The following CACNG5 variants were observed in gnomAD, a reference collection of about 807,000 sequenced individuals.
CACNG5 encodes the protein calcium voltage-gated channel auxiliary subunit gamma 5, also known as voltage-dependent calcium channel gamma-5 subunit.
A neutral mutation model predicts 24.8 loss-of-function variants in CACNG5; 18 were observed. The ratio of observed to expected loss-of-function variants is 0.73; its 90% CI spans 0.50 to 1.08. The LOEUF is 1.08. CACNG5 is among the 50% of genes least tolerant of loss of function. The pLI, the probability that CACNG5 is intolerant of heterozygous loss-of-function variation, is 0.00. For synonymous variants in CACNG5, 157 were observed against 149.1 expected, an observed-to-expected ratio of 1.05 and a Z score of -0.39; for missense variants, 349 against 367.9, an observed-to-expected ratio of 0.95 and a Z score of 0.42.
chr17:66,853,649 ATGCATGGGT>A (rs1301417062), intron 1 of CACNG5, among the ~76,000 whole-genome samples: 1 of 152,238 alleles, frequency 6.6e-6, no homozygotes, highest in African/African-American at 2.4e-5. Context: ...TGTCCCAGTA[ATGCATGGGT>A]TGTTTAACAT....
chr17:66,859,172 C>T (rs1370453178), intron 1 of CACNG5, among the ~76,000 whole-genome samples: 1 of 152,218 alleles, frequency 6.6e-6, no homozygotes, highest in Non-Finnish European at 1.5e-5. Context: ...AATACATCAT[C>T]CATTGTAAAG....
chr17:66,877,275 A>G lies in CACNG5; in HGVS notation c.-58A>G, dbSNP rs1977092505. ...GCTCACCCACTCTCCCTAGCCCCAGAGCGCAGTCCGTGCTGGTGGGAGCGT... is the reference window on the plus strand; with the variant it reads ...GCTCACCCACTCTCCCTAGCCCCAGGGCGCAGTCCGTGCTGGTGGGAGCGT... On this transcript the variant is annotated 5_prime_UTR_variant, in exon 2 of 6. Coordinates refer to ENST00000533854, the MANE Select transcript of CACNG5 (RefSeq NM_145811.3). 6.8e-7 allele frequency: 1 copy of G among 1,460,944 alleles called. No homozygotes were observed. The highest frequency in any genetic ancestry group is 2.3e-5 in the East Asian group (1 of 43,740). 90.5% of individuals were successfully genotyped at this position (1,460,944 alleles called of 1,614,324 possible). A position where few individuals can be genotyped will look rare whatever the true frequency, so the allele number is the denominator to read the frequency against.
At chr17:66,872,541 C>T (rs747831139) in intron 1 of CACNG5, among the ~76,000 whole-genome samples, 1 of 152,148 alleles carries the variant, frequency 6.6e-6, no homozygotes, top group African/African-American at 2.4e-5. Flanking sequence ...TGGGAAAGTG[C>T]AGGTAATTTT....
In CACNG5 at chr17:66,894,078, G is replaced by A. The variant is rs552982357; in HGVS notation, c.*8838G>A. Among the ~76,000 whole-genome samples, 1 of 152,222 alleles carries A rather than the reference G, an allele frequency of 6.6e-6. No homozygotes were observed. Among genetic ancestry groups the A allele is most frequent in the East Asian group, 1.9e-4 (1 of 5,170 alleles). ...GGGTTCTTGACACCTGTTGTCCTGT[G>A]TCCTCGTAAACACCATCCCGCCACC... On this transcript the variant is annotated 3_prime_UTR_variant, in exon 6 of 6. Coordinates refer to ENST00000533854, the MANE Select transcript of CACNG5 (RefSeq NM_145811.3).
intron 1 of CACNG5, among the ~76,000 whole-genome samples, chr17:66,859,216 C>T (rs918614614): frequency 2.0e-5 from 3 of 152,180 alleles, no homozygotes; most frequent in African/African-American, 7.2e-5. Context: ...AGTTCAAGAG[C>T]CTCGCCCTGA....
rs1977298085 is a variant in CACNG5, at chr17:66,888,627, T to C, written c.*3387T>C. ...CTCAATAGTCAAAGACAGGTTTATT[T>C]TGGAGAATAAACCTGAGAGGGGCTT... On this transcript the variant is annotated 3_prime_UTR_variant, in exon 6 of 6. Coordinates refer to ENST00000533854, the MANE Select transcript of CACNG5 (RefSeq NM_145811.3). 6.6e-6 allele frequency among the ~76,000 whole-genome samples: 1 copy of C among 152,010 alleles called. No homozygotes were observed. The highest frequency in any genetic ancestry group is 2.1e-4 in the South Asian group (1 of 4,810).
intron 1 of CACNG5, among the ~76,000 whole-genome samples, chr17:66,844,691 GA>G (rs1232416932): frequency 6.6e-6 from 1 of 152,174 alleles, no homozygotes; most frequent in African/African-American, 2.4e-5. Context: ...TGGCTATGAT[GA>G]TGACAAGTTC....
intron 1 of CACNG5, among the ~76,000 whole-genome samples, chr17:66,866,382 G>A (rs1015056312): frequency 6.6e-5 from 10 of 152,046 alleles, no homozygotes; most frequent in African/African-American, 1.7e-4. Context: ...TGATCTTCTC[G>A]CTTCAGTCTC....
At chr17:66,867,502 T>C (rs1253520392) in intron 1 of CACNG5, among the ~76,000 whole-genome samples, 1 of 152,248 alleles carries the variant, frequency 6.6e-6, no homozygotes, top group Non-Finnish European at 1.5e-5. Context: ...ATTTTTGCTT[T>C]TGTTGCAATT....
intron 1 of CACNG5, among the ~76,000 whole-genome samples, chr17:66,855,182 A>T (rs1976757620): frequency 6.6e-6 from 1 of 152,260 alleles, no homozygotes; most frequent in Non-Finnish European, 1.5e-5. Context: ...TTACTGAATG[A>T]GACTCAGAAA....
chr17:66,879,817 G>T (rs1977132699), intron 3 of CACNG5, among the ~76,000 whole-genome samples: 1 of 152,162 alleles, frequency 6.6e-6, no homozygotes, highest in Non-Finnish European at 1.5e-5. Context: ...ACATAGGCAT[G>T]ATTGATTACA....
Position 66,888,490 on chromosome 17 carries a change from G to A in CACNG5, c.*3250G>A, listed in dbSNP as rs1219042565. 7.3e-6 allele frequency among the ~76,000 whole-genome samples: 1 copy of A among 136,354 alleles called. No homozygotes were observed. The highest frequency in any genetic ancestry group is 1.5e-5 in the Non-Finnish European group (1 of 65,986). The allele number at this position is 136,354 out of a possible 152,430, so 89.5% of individuals were successfully genotyped here. On this transcript the variant is annotated 3_prime_UTR_variant, in exon 6 of 6. Coordinates refer to ENST00000533854, the MANE Select transcript of CACNG5 (RefSeq NM_145811.3). ...ACCTGGGAGGCAGAGCTTGCAGTGA[G>A]CCGAGATCGCACCACTGCACTCCAG... is the stretch of plus-strand genomic sequence containing the variant.
chr17:66,886,750 C>T lies in CACNG5; in HGVS notation c.*1510C>T, dbSNP rs915263872. Among the ~76,000 whole-genome samples the T allele has an allele frequency of 3.3e-5, 5 of 152,162 alleles. No homozygotes were observed. The highest frequency in any genetic ancestry group is 3.3e-4 in the Admixed American group (5 of 15,280). On this transcript the variant is annotated 3_prime_UTR_variant, in exon 6 of 6. Coordinates refer to ENST00000533854, the MANE Select transcript of CACNG5 (RefSeq NM_145811.3). Reference sequence around the variant, plus strand: ...GCGGTGTGTCAGGCAGCCGGGCTGCCGCAATGAACTACCACAGACTGAGTG... The same window carrying T: ...GCGGTGTGTCAGGCAGCCGGGCTGCTGCAATGAACTACCACAGACTGAGTG...
chr17:66,847,386 A>G (rs187741317), intron 1 of CACNG5, among the ~76,000 whole-genome samples: 95 of 152,332 alleles, frequency 6.2e-4, no homozygotes, highest in African/African-American at 2.2e-3. Context: ...AGAGTTCCAC[A>G]TAGCTGGGGA....
intron 1 of CACNG5, among the ~76,000 whole-genome samples, chr17:66,866,354 C>T (rs2058260): frequency 0.76 from 114,966 of 152,108 alleles, 43,952 homozygotes; most frequent in East Asian, 0.91. Context: ...AGCATAACCT[C>T]GAACTCCTGG....
intron 1 of CACNG5, among the ~76,000 whole-genome samples, chr17:66,840,240 C>T (rs1226877200): frequency 3.3e-5 from 5 of 152,330 alleles, no homozygotes; most frequent in Admixed American, 3.3e-4. Flanking sequence ...GGCATGTGCT[C>T]TGGACTTGTG....
At position 66,880,697 on chromosome 17, in the gene CACNG5, G is replaced by A. The variant is rs755762556; in HGVS notation, c.424G>A (p.Gly142Ser). The part of the protein sequence containing the change: ...FVSGIFFILS[G>S]LSLVVGLVLY... ...CTCTGGCATCTTCTTTATCCTCTCA[G>A]GTAAGTTGTGTTGTTTTCTTTTCTT... The change falls in exon 4 of 6, where the codon GGC (glycine) becomes AGC (serine). Residue 142 changes from glycine to serine, a missense_variant and splice_region_variant. Gly to Ser is a moderately conservative substitution (Grantham distance 56, BLOSUM62 0). Coordinates refer to ENST00000533854, the MANE Select transcript of CACNG5 (RefSeq NM_145811.3). 29 of 1,613,080 alleles carry A rather than the reference G, an allele frequency of 1.8e-5. No individual in the cohort carries two copies. In the East Asian group the frequency reaches 2.2e-4, roughly 12 times the overall value.
chr17:66,873,057 G>A (rs77670798), intron 1 of CACNG5, among the ~76,000 whole-genome samples: 6,022 of 152,154 alleles, frequency 0.04, 166 homozygotes, highest in East Asian at 0.12. Context: ...CGGCTCACCT[G>A]TGCTTTCCTG....
chr17:66,869,140 A>G lies in CACNG5; in HGVS notation c.-103-8090A>G, dbSNP rs150307900. Among the ~76,000 whole-genome samples, 54 of 151,968 alleles carry G rather than the reference A, an allele frequency of 3.6e-4. No homozygotes were observed. In the East Asian group the frequency reaches 8.1e-3, roughly 23 times the overall value. ...GCTCTGTCATCCAGGTTGGAGTACA[A>G]TGGTGCAATCTTGGCTCACTGCAAC... On this transcript the variant is annotated intron_variant, in intron 1 of 5. Transcript: ENST00000533854.
Sources: gnomAD v4.1 joint callset for allele counts (sites outside exome capture counted in the v4.1 genomes callset) on GRCh38, gnomAD v4.1.1 for gene constraint, MANE v1.5 for transcripts, NCBI Gene and HGNC (gene_info 2026-07-23, HGNC 2026-07-21) for gene names.